DLGAP1: variants seen among roughly 807,000 people sequenced by gnomAD.
DLGAP1 encodes the protein DLG associated protein 1.
A neutral mutation model predicts 90.8 loss-of-function variants in DLGAP1; 11 were observed. That is an observed-to-expected ratio of 0.12 (90% CI 0.08 to 0.20). DLGAP1 has a LOEUF of 0.20. Ranked by LOEUF, DLGAP1 falls within the 10% of genes least tolerant of loss-of-function variation. DLGAP1 has a pLI of 1.00. For missense variants in DLGAP1, 1,050 were observed against 1,333.8 expected (o/e 0.79, Z 3.31); for synonymous variants, 558 against 540.7 (o/e 1.03, Z -0.44).
chr18:4,129,619 A>G (rs977053411), intron 2 of DLGAP1, among the ~76,000 whole-genome samples: 2 of 152,130 alleles, frequency 1.3e-5, no homozygotes, highest in South Asian at 4.1e-4. Flanking sequence ...TTACTGGAAG[A>G]TGAGGAAGGA....
intron 10 of DLGAP1, among the ~76,000 whole-genome samples, chr18:3,524,663 G>A (rs369487341): frequency 1.5e-3 from 226 of 152,218 alleles, no homozygotes; most frequent in African/African-American, 5.2e-3. Flanking sequence ...CAGGCAGATC[G>A]CTTGAACCTA....
rs368886669 is a variant in DLGAP1 at position 4,095,494 on chromosome 18, T to C, written c.-159+55686A>G. On this transcript the variant is annotated intron_variant, in intron 2 of 12. Transcript: ENST00000315677. ...CTTTTCCAGGGGTGCTTTCTAACCT[T>C]GTAGAGAATTCTTTTCTTGCTAACA... 1.6e-3 allele frequency among the ~76,000 whole-genome samples: 246 copies of C among 152,258 alleles called. 2 individuals carry two copies. In the South Asian group the frequency reaches 0.027, roughly 17 times the overall value.
chr18:3,990,421 G>A (rs1210816504), intron 3 of DLGAP1, among the ~76,000 whole-genome samples: 1 of 149,358 alleles, frequency 6.7e-6, no homozygotes, highest in African/African-American at 2.5e-5. Flanking sequence ...ACTCATAGGT[G>A]GGAATCGAAC....
intron 3 of DLGAP1, among the ~76,000 whole-genome samples, chr18:3,940,991 A>T (rs1377293499): frequency 6.6e-6 from 1 of 152,206 alleles, no homozygotes; most frequent in South Asian, 2.1e-4. Context: ...CTGTTGGTCT[A>T]TTGAGCAGCT....
intron 1 of DLGAP1, among the ~76,000 whole-genome samples, chr18:4,158,645 G>A (rs1011087204): frequency 1.3e-5 from 2 of 152,116 alleles, no homozygotes; most frequent in African/African-American, 2.4e-5. Flanking sequence ...TGACTTCTTG[G>A]ACACTTGACC....
intron 3 of DLGAP1, among the ~76,000 whole-genome samples, chr18:3,990,740 ACTC>A (rs1235438614): frequency 6.6e-6 from 1 of 151,168 alleles, no homozygotes; most frequent in Non-Finnish European, 1.5e-5. Flanking sequence ...GCTATTAAAT[ACTC>A]CTCCTTTCTC....
chr18:4,429,707 T>G (rs574943887), intron 1 of DLGAP1, among the ~76,000 whole-genome samples: 1 of 152,176 alleles, frequency 6.6e-6, no homozygotes, highest in African/African-American at 2.4e-5. Context: ...TAGCCTGGCC[T>G]CTTGCACGTA....
chr18:4,409,436 GTCT>G (rs1292809807), intron 1 of DLGAP1, among the ~76,000 whole-genome samples: 16 of 152,174 alleles, frequency 1.1e-4, no homozygotes, highest in Middle Eastern at 3.4e-3. Flanking sequence ...CAACCTTTTG[GTCT>G]TCTTATCTCT....
chr18:4,058,635 C>T (rs926964694), intron 2 of DLGAP1, among the ~76,000 whole-genome samples: 1 of 152,200 alleles, frequency 6.6e-6, no homozygotes, highest in Admixed American at 6.5e-5. Flanking sequence ...TTCTTTATGT[C>T]AAGAGGGCAA....
At chr18:3,918,580 A>G (rs2072197338) in intron 3 of DLGAP1, among the ~76,000 whole-genome samples, 2 of 152,216 alleles carry the variant, frequency 1.3e-5, no homozygotes, top group South Asian at 4.1e-4. Context: ...AGGTCCCTGG[A>G]AAAGCCATTA....
At chr18:3,749,633 T>G (rs938107226) in intron 5 of DLGAP1, among the ~76,000 whole-genome samples, 2 of 152,206 alleles carry the variant, frequency 1.3e-5, no homozygotes, top group Non-Finnish European at 2.9e-5. Flanking sequence ...ACCAACCTTA[T>G]GCTAATCACT....
chr18:4,370,337 G>A (rs972418876), intron 1 of DLGAP1, among the ~76,000 whole-genome samples: 1 of 152,164 alleles, frequency 6.6e-6, no homozygotes, highest in African/African-American at 2.4e-5. Context: ...CTGACGGAGA[G>A]GTTCACTAAT....
Position 3,581,957 on chromosome 18 carries a change from G to A in DLGAP1, c.1883C>T (p.Thr628Met), listed in dbSNP as rs748351626. Residue 628 changes from threonine to methionine, a missense_variant, in exon 8 of 13, where the codon ACG (threonine) becomes ATG (methionine). Around this residue, in one of 2 missense-constraint regions of DLGAP1, gnomAD observed 565 missense variants for 879.7 expected, o/e 0.64. Coordinates refer to ENST00000315677, the MANE Select transcript of DLGAP1 (RefSeq NM_004746.4). ...MGNNTATVTT[T>M]TTIATVTTED... is the part of the protein sequence containing the mutation. ...CGTGGTGACGGTGGCTATGGTAGTC[G>A]TGGTGGTGACGGTGGCAGTGTTATT... The A allele has an allele frequency of 6.2e-6, 10 of 1,613,938 alleles. No homozygotes were observed. Among genetic ancestry groups the A allele is most frequent in the Admixed American group, 1.7e-5 (1 of 59,970 alleles).
chr18:3,728,021 T>G (rs1245871275), intron 7 of DLGAP1: 3 of 152,134 alleles, frequency 2.0e-5, no homozygotes, highest in Non-Finnish European at 4.4e-5. Flanking sequence ...ATATATCTAG[T>G]TAGAAGGATT....
At chr18:3,529,554 A>G (rs1382126487) in intron 10 of DLGAP1, among the ~76,000 whole-genome samples, 1 of 152,224 alleles carries the variant, frequency 6.6e-6, no homozygotes, top group African/African-American at 2.4e-5. Flanking sequence ...CAAGGACTCA[A>G]ATACATATTT....
intron 1 of DLGAP1, among the ~76,000 whole-genome samples, chr18:4,386,306 A>C (rs1185068119): frequency 6.6e-6 from 1 of 152,200 alleles, no homozygotes. Flanking sequence ...GTCTTCTCAG[A>C]ATAGTATTCC....
rs113069084 is a variant in DLGAP1 at position 4,157,530 on chromosome 18, AT to A, written c.-266-6244del. On this transcript the variant is annotated intron_variant, in intron 1 of 12. Transcript: ENST00000315677. ...AGAGATTTCAAGGCAGGCTGGATTCATGGGTGTGTGACTCATGCAGCTTCAG... is the reference window on the plus strand; with the variant it reads ...AGAGATTTCAAGGCAGGCTGGATTCAGGGTGTGTGACTCATGCAGCTTCAG... Among the ~76,000 whole-genome samples, 71 of 152,306 alleles carry A rather than the reference AT, an allele frequency of 4.7e-4. 1 individual carries two copies. Among genetic ancestry groups the A allele is most frequent in the African/African-American group, 1.6e-3 (66 of 41,550 alleles).
At position 4,199,118 on chromosome 18, in the gene DLGAP1, T is replaced by C. The variant is rs75888501; in HGVS notation, c.-266-47831A>G. Reference sequence around the variant, plus strand: ...GAGAGGAGCATTTGCAAGTGTGAAATTGGAAAAGAGCGGAACATCAGCCTG... The same window carrying C: ...GAGAGGAGCATTTGCAAGTGTGAAACTGGAAAAGAGCGGAACATCAGCCTG... On this transcript the variant is annotated intron_variant, in intron 1 of 12. Coordinates refer to ENST00000315677, the MANE Select transcript of DLGAP1 (RefSeq NM_004746.4). Among the ~76,000 whole-genome samples the C allele has an allele frequency of 5.4e-3, 825 of 152,256 alleles. 13 individuals are homozygous for C. Among genetic ancestry groups the C allele is most frequent in the African/African-American group, 0.019 (774 of 41,538 alleles).
At chr18:3,629,790 T>C (rs896242848) in intron 7 of DLGAP1, among the ~76,000 whole-genome samples, 3 of 152,220 alleles carry the variant, frequency 2.0e-5, no homozygotes, top group African/African-American at 7.2e-5. Context: ...TTTGGATTCC[T>C]AATGAGATGA....
Sources: allele counts gnomAD v4.1 joint callset (sites outside exome capture counted in the v4.1 genomes callset), GRCh38; gene constraint gnomAD v4.1.1; regional missense constraint gnomAD v4.1.1; transcripts MANE v1.5; gene names NCBI Gene and HGNC (gene_info 2026-07-23, HGNC 2026-07-21).